Variants in SI observed in about 807,000 individuals in gnomAD.
SI encodes the protein sucrase-isomaltase, intestinal.
In SI, 235 loss-of-function variants were observed where a neutral mutation model predicts 253.3. The ratio of observed to expected loss-of-function variants is 0.93; its 90% CI spans 0.83 to 1.03. SI has a LOEUF of 1.03. SI is among the 50% of genes least tolerant of loss of function. The pLI is 0.00. For synonymous variants in SI, 819 were observed against 712.0 expected, an observed-to-expected ratio of 1.15 and a Z score of -2.39; for missense variants, 2,442 against 2,211.1, an observed-to-expected ratio of 1.10 and a Z score of -2.09.
In SI at chr3:165,023,658, G is replaced by T. The variant is rs747335319; in HGVS notation, c.3011C>A (p.Ala1004Glu). 5.0e-6 allele frequency: 8 copies of T among 1,610,720 alleles called. No individual in the cohort carries two copies. Among genetic ancestry groups the T allele is most frequent in the Non-Finnish European group, 6.8e-6 (8 of 1,177,904 alleles). The part of the protein sequence containing the change: ...GITADLQLNT[A>E]NARIKLPSDP... ...AGAAGGTAACTTTATTCTGGCATTT[G>T]CAGTATTTAGTTGGAGGTCAGCTGT... The change falls in exon 26 of 48, where the codon GCA becomes GAA. Residue 1004 changes from alanine (A) to glutamate (E), a missense_variant. Physicochemically the swap from Ala to Glu is moderately radical, Grantham distance 107 (BLOSUM62 -1). Transcript: ENST00000264382.
At chr3:165,050,350 C>G (rs1004298582) in intron 13 of SI, among the ~76,000 whole-genome samples, 1 of 152,010 alleles carries the variant, frequency 6.6e-6, no homozygotes, top group Non-Finnish European at 1.5e-5. Context: ...AGGCAAATAG[C>G]CTTTAGTATT....
intron 12 of SI, among the ~76,000 whole-genome samples, chr3:165,057,053 C>A (rs1350226740): frequency 6.6e-6 from 1 of 151,778 alleles, no homozygotes. Flanking sequence ...ACAGAAAATT[C>A]GAAATAGCTG....
intron 47 of SI, among the ~76,000 whole-genome samples, chr3:164,981,796 G>A (rs753324229): frequency 1.2e-4 from 19 of 152,170 alleles, no homozygotes; most frequent in African/African-American, 1.7e-4. Flanking sequence ...ATGCTTTAAC[G>A]CAAGAATCCT....
chr3:165,008,813 T>C (rs1023213752), intron 35 of SI, among the ~76,000 whole-genome samples: 11 of 151,912 alleles, frequency 7.2e-5, no homozygotes, highest in Non-Finnish European at 1.5e-4. Flanking sequence ...CATTTACTTG[T>C]AGCAAAGTAA....
intron 15 of SI, among the ~76,000 whole-genome samples, chr3:165,048,560 T>TATAC: frequency 1.4e-5 from 1 of 69,754 alleles, no homozygotes; most frequent in African/African-American, 6.4e-5. Context: ...TATATACATA[T>TATAC]ATATATGTAT....
Position 164,979,138 on chromosome 3 carries a change from G to C in SI, c.*224C>G. 1.9e-6 allele frequency: 1 copy of C among 513,428 alleles called. No individual in the cohort carries two copies. The highest frequency in any genetic ancestry group is 3.5e-6 in the Non-Finnish European group (1 of 285,376). The allele number at this position is 513,428 out of a possible 1,614,324, so 31.8% of individuals were successfully genotyped here. On this transcript the variant is annotated 3_prime_UTR_variant, in exon 48 of 48. Coordinates refer to ENST00000264382, the MANE Select transcript of SI (RefSeq NM_001041.4). Reference sequence around the variant, plus strand: ...AGCTGATACTTAACAAGGATAAATAGGGCTATTCAAATTTTGTTAAATATG... The same window carrying C: ...AGCTGATACTTAACAAGGATAAATACGGCTATTCAAATTTTGTTAAATATG...
At chr3:165,055,558 T>G (rs2108242845) in intron 12 of SI, among the ~76,000 whole-genome samples, 1 of 152,122 alleles carries the variant, frequency 6.6e-6, no homozygotes, top group Non-Finnish European at 1.5e-5. Flanking sequence ...ATAAGGCTGC[T>G]ATTTTGACTG....
Position 165,021,132 on chromosome 3 carries a change from T to C in SI, c.3254+97A>G, listed in dbSNP as rs991939230. The C allele has an allele frequency of 1.2e-5, 13 of 1,061,038 alleles. No homozygotes were observed. In the African/African-American group the frequency reaches 1.7e-4, roughly 14 times the overall value. 65.7% of individuals were successfully genotyped at this position (1,061,038 alleles called of 1,614,324 possible). On this transcript the variant is annotated intron_variant, in intron 27 of 47. Transcript: ENST00000264382. ...ACACGTCTTAAATTTTTTTGTGTGA[T>C]GCTACTCTAGGACAGTGAAGGCTGT... is the stretch of plus-strand genomic sequence containing the variant.
chr3:165,069,874 A>G (rs1714445535), intron 3 of SI, among the ~76,000 whole-genome samples: 1 of 151,532 alleles, frequency 6.6e-6, no homozygotes, highest in Non-Finnish European at 1.5e-5. Context: ...TATAATTATA[A>G]ATCTATGTAA....
At chr3:165,083,748 C>G in the SI span, among the ~76,000 whole-genome samples, 1 of 151,848 alleles carries the variant, frequency 6.6e-6, no homozygotes, top group Non-Finnish European at 1.5e-5. Flanking sequence ...CTTTGGCCTT[C>G]CATTATGTAA....
intron 26 of SI, 72 bp downstream of exon 26, chr3:165,023,498 C>A: frequency 1.0e-6 from 1 of 1,004,160 alleles, no homozygotes; most frequent in Non-Finnish European, 1.6e-6. Context: ...CATTAAATAT[C>A]AATCACAGGA....
Position 165,015,179 on chromosome 3 carries a change from G to A in SI, c.3943C>T (p.Gln1315Ter), listed in dbSNP as rs752288869. ...TKTYPAFERG[Q>*]QNDVFVKWPN... ...CATTTGACAAAGACATCATTCTGCTGTCCTCTTTCAAATGCAGGGTAAGTC... is the reference window on the plus strand; with the variant it reads ...CATTTGACAAAGACATCATTCTGCTATCCTCTTTCAAATGCAGGGTAAGTC... Residue 1315 changes from glutamine (Q) to a stop codon, truncating the protein, a stop_gained, in exon 33 of 48, where the codon CAG becomes TAG. Coordinates refer to ENST00000264382, the MANE Select transcript of SI (RefSeq NM_001041.4). LOFTEE classifies it high-confidence loss of function. 3 of 1,613,482 alleles carry A rather than the reference G, an allele frequency of 1.9e-6. No individual in the cohort carries two copies. Among genetic ancestry groups the A allele is most frequent in the Admixed American group, 1.7e-5 (1 of 60,000 alleles).
chr3:165,033,848 A>AT (rs982265883), intron 22 of SI, among the ~76,000 whole-genome samples: 2 of 151,316 alleles, frequency 1.3e-5, no homozygotes, highest in Admixed American at 6.6e-5. Flanking sequence ...GCATCTTTTT[A>AT]TTTTTTTCTA....
chr3:165,026,132 G>T (rs137885986), intron 25 of SI, among the ~76,000 whole-genome samples: 3 of 150,994 alleles, frequency 2.0e-5, no homozygotes, highest in Non-Finnish European at 4.4e-5. Flanking sequence ...AGATAAAGGG[G>T]TAGAAAAAAA....
In SI at chr3:165,032,799, T is replaced by C; in HGVS notation, c.2566-107A>G. ...AAAAGGTCATCATCTACATCTCTATTCCCACCAGCTCTCCTCATCCAAGTA... is the reference window on the plus strand; with the variant it reads ...AAAAGGTCATCATCTACATCTCTATCCCCACCAGCTCTCCTCATCCAAGTA... On this transcript the variant is annotated intron_variant, in intron 23 of 47. Transcript: ENST00000264382. The C allele has an allele frequency of 4.6e-6, 3 of 653,974 alleles. No homozygotes were observed. In the East Asian group the frequency reaches 8.3e-5, roughly 18 times the overall value. 40.5% of individuals were successfully genotyped at this position (653,974 alleles called of 1,614,324 possible). A position where few individuals can be genotyped will look rare whatever the true frequency, so the allele number is the denominator to read the frequency against.
intron 1 of SI, among the ~76,000 whole-genome samples, chr3:165,076,517 CCTCT>C (rs1350070152): frequency 1.3e-5 from 2 of 151,610 alleles, no homozygotes; most frequent in Admixed American, 6.6e-5. Context: ...CTTGAACTCT[CCTCT>C]CTCTAATTCC....
chr3:164,997,192 A>T (rs922963287), intron 38 of SI, among the ~76,000 whole-genome samples: 2 of 151,770 alleles, frequency 1.3e-5, no homozygotes, highest in East Asian at 3.9e-4. Context: ...AACCATTCTT[A>T]TTAAACAAAT....
the SI span, among the ~76,000 whole-genome samples, chr3:165,084,356 T>C: frequency 1.3e-5 from 2 of 151,982 alleles, no homozygotes; most frequent in African/African-American, 4.8e-5. Context: ...CAGACTAAGA[T>C]AGATGGAGAA....
Position 165,041,107 on chromosome 3 carries a change from A to G in SI, c.2005-13T>C. 1 of 1,611,326 alleles carries G rather than the reference A, an allele frequency of 6.2e-7. No individual in the cohort carries two copies. The highest frequency in any genetic ancestry group is 1.1e-5 in the South Asian group (1 of 91,008). Reference sequence around the variant, plus strand: ...CAGGATCCTGATGCTGTGAGATAGAAAGAGAAATTAAAATAAGAAAGCTAA... The same window carrying G: ...CAGGATCCTGATGCTGTGAGATAGAGAGAGAAATTAAAATAAGAAAGCTAA... On this transcript the variant is annotated splice_polypyrimidine_tract_variant and intron_variant, in intron 17 of 47. Coordinates refer to ENST00000264382, the MANE Select transcript of SI (RefSeq NM_001041.4).
Sources: gnomAD v4.1 joint callset for allele counts (sites outside exome capture counted in the v4.1 genomes callset) on GRCh38, gnomAD v4.1.1 for gene constraint, MANE v1.5 for transcripts, NCBI Gene and HGNC (gene_info 2026-07-23, HGNC 2026-07-21) for gene names.